Variants in LEPROTL1 observed in about 807,000 individuals in gnomAD.
LEPROTL1 encodes the protein leptin receptor overlapping transcript-like 1.
A neutral mutation model predicts 15.4 loss-of-function variants in LEPROTL1; 6 were observed. That is an observed-to-expected ratio of 0.39 (90% confidence interval 0.21 to 0.77). The LOEUF (loss-of-function observed/expected upper bound fraction) is 0.77. Among genes scored for constraint, LEPROTL1 ranks in the 30% least tolerant of loss-of-function variants. LEPROTL1 has a pLI of 0.41. For synonymous variants in LEPROTL1, 56 were observed against 52.6 expected (o/e 1.06, Z -0.28); for missense variants, 128 against 158.1 (o/e 0.81, Z 1.02).
At chr8:30,133,318 A>T (rs376640351) in intron 4 of LEPROTL1, among the ~76,000 whole-genome samples, 1 of 152,210 alleles carries the variant, frequency 6.6e-6, no homozygotes, top group Non-Finnish European at 1.5e-5. Flanking sequence ...AGCGTAAAAA[A>T]TCTTTCACTT....
At chr8:30,116,998 G>GA (rs371134274) in intron 3 of LEPROTL1, among the ~76,000 whole-genome samples, 40 of 151,618 alleles carry the variant, frequency 2.6e-4, no homozygotes, top group African/African-American at 9.0e-4. Context: ...GTATGGGGGA[G>GA]AAAAAAAACC....
At chr8:30,133,748 C>T (rs1803076589) in intron 4 of LEPROTL1, among the ~76,000 whole-genome samples, 2 of 143,394 alleles carry the variant, frequency 1.4e-5, no homozygotes, top group Admixed American at 1.4e-4. Flanking sequence ...ATGATTGCAC[C>T]ACTGCACTCC....
At chr8:30,121,337 T>C (rs1197987808) in intron 3 of LEPROTL1, among the ~76,000 whole-genome samples, 1 of 152,026 alleles carries the variant, frequency 6.6e-6, no homozygotes, top group Non-Finnish European at 1.5e-5. Context: ...ACCACAACCT[T>C]GGCCTCCTGG....
At position 30,137,502 on chromosome 8, in the gene LEPROTL1, A is replaced by G. The variant is rs771891485; in HGVS notation, c.*190A>G. ...TTTGCCCTCCCTCTCAGGCACAATG[A>G]CAACTACTGCTCAGTGCCAGACACT... On this transcript the variant is annotated 3_prime_UTR_variant, in exon 5 of 5. Coordinates refer to the LEPROTL1 transcript ENST00000442880. 1.7e-5 allele frequency: 27 copies of G among 1,548,694 alleles called. No individual in the cohort carries two copies. The South Asian group carries it at 3.0e-4, about 17-fold the overall frequency.
chr8:30,121,860 T>C (rs1490965420), intron 3 of LEPROTL1, among the ~76,000 whole-genome samples: 4 of 47,680 alleles, frequency 8.4e-5, no homozygotes, highest in Non-Finnish European at 1.7e-4. Flanking sequence ...TTTTTTGTTT[T>C]CTTTTTATCT....
At chr8:30,096,377 TTC>T in intron 1 of LEPROTL1, 1 of 985,378 alleles carries the variant, frequency 1.0e-6, no homozygotes. Flanking sequence ...TTACATTGAT[TTC>T]TTGACCTGCC....
chr8:30,116,449 C>T (rs375342460), intron 3 of LEPROTL1, among the ~76,000 whole-genome samples: 15 of 152,146 alleles, frequency 9.9e-5, no homozygotes, highest in South Asian at 2.1e-4. Flanking sequence ...ATAAGGAGCG[C>T]GCAACCTAGA....
At chr8:30,137,724 C>T (rs557298393), downstream of LEPROTL1, 12 of 558,614 alleles carry the variant, frequency 2.1e-5, no homozygotes, top group South Asian at 1.8e-4. Flanking sequence ...TAGTTAATAG[C>T]TTACAGTTTA....
chr8:30,111,834 G>A (rs1802656535), downstream of LEPROTL1, among the ~76,000 whole-genome samples: 1 of 152,176 alleles, frequency 6.6e-6, no homozygotes, highest in Non-Finnish European at 1.5e-5. Context: ...TTCCTTTGGA[G>A]CAGCAGTCTG....
intron 3 of LEPROTL1, among the ~76,000 whole-genome samples, chr8:30,117,223 C>T (rs1173719099): frequency 6.6e-6 from 1 of 151,960 alleles, no homozygotes; most frequent in African/African-American, 2.4e-5. Context: ...TGTGGTGGCT[C>T]AGGCCTGTAA....
intron 2 of LEPROTL1, among the ~76,000 whole-genome samples, chr8:30,103,922 G>T (rs930000741): frequency 2.6e-5 from 4 of 152,002 alleles, no homozygotes; most frequent in Non-Finnish European, 4.4e-5. Context: ...ATCATACACA[G>T]AGGTCCCCTG....
At chr8:30,097,690 T>C (rs143529338) in intron 1 of LEPROTL1, among the ~76,000 whole-genome samples, 22 of 120,272 alleles carry the variant, frequency 1.8e-4, no homozygotes, top group South Asian at 8.1e-4. Flanking sequence ...AAAAAATATA[T>C]ATATATATAC....
chr8:30,096,004 C>G (rs951903285), intron 1 of LEPROTL1: 7 of 621,142 alleles, frequency 1.1e-5, no homozygotes, highest in Non-Finnish European at 1.8e-5. Flanking sequence ...ACGGGTCTGC[C>G]CGAAACCTCG....
chr8:30,125,463 G>A (rs908785307), intron 3 of LEPROTL1, among the ~76,000 whole-genome samples: 8 of 152,126 alleles, frequency 5.3e-5, no homozygotes, highest in East Asian at 1.9e-4. Flanking sequence ...AGGAAATGCC[G>A]GGTGTTTATA....
intron 3 of LEPROTL1, among the ~76,000 whole-genome samples, chr8:30,119,018 C>G (rs1021064021): frequency 6.6e-6 from 1 of 152,122 alleles, no homozygotes; most frequent in Non-Finnish European, 1.5e-5. Context: ...CCCCCGAGGC[C>G]ATATTTCAGA....
chr8:30,136,512 G>T (rs572793189), intron 4 of LEPROTL1, among the ~76,000 whole-genome samples: 4 of 152,272 alleles, frequency 2.6e-5, no homozygotes, highest in African/African-American at 9.6e-5. Flanking sequence ...TGCCCGACTA[G>T]CAGAGCCCCC....
chr8:30,105,629 T>C (rs1482490868), intron 3 of LEPROTL1, 117 bp from the exon 4 acceptor site: 4 of 604,326 alleles, frequency 6.6e-6, no homozygotes, highest in Non-Finnish European at 1.1e-5. Flanking sequence ...TGACAATTAT[T>C]GTTACAAGGC....
Position 30,107,061 on chromosome 8 carries a change from C to T in LEPROTL1, c.*1199C>T. The stretch of plus-strand genomic sequence containing the variant: ...CCATGGTAATAGTAGTTCTTATTCT[C>T]TAAGGTTATATCATATGTAATTTAA... On this transcript the variant is annotated 3_prime_UTR_variant, in exon 4 of 4. Coordinates refer to ENST00000321250, the MANE Select transcript of LEPROTL1 (RefSeq NM_015344.3). The T allele has an allele frequency of 2.1e-6, 2 of 973,610 alleles. No homozygotes were observed. Among genetic ancestry groups the T allele is most frequent in the Non-Finnish European group, 2.4e-6 (2 of 819,294 alleles). 60.3% of individuals were successfully genotyped at this position (973,610 alleles called of 1,614,324 possible).
intron 1 of LEPROTL1, chr8:30,096,415 G>A (rs1397466144): frequency 1.0e-6 from 1 of 984,812 alleles, no homozygotes; most frequent in Non-Finnish European, 1.2e-6. Flanking sequence ...AGTCAGGCAG[G>A]AAGCAGGTAA....
Sources: allele counts gnomAD v4.1 joint callset (sites outside exome capture counted in the v4.1 genomes callset), GRCh38; gene constraint gnomAD v4.1.1; transcripts MANE v1.5; gene names NCBI Gene and HGNC (gene_info 2026-07-23, HGNC 2026-07-21).